RBFOX3: variants seen among roughly 807,000 people sequenced by gnomAD.
RBFOX3 encodes the protein RNA binding fox-1 homolog 3.
Under a neutral mutation model 48.7 loss-of-function variants are expected in RBFOX3, and 17 were observed. The observed-to-expected ratio is 0.35, with a 90% confidence interval of 0.24 to 0.52. The LOEUF is 0.52. Ranked by LOEUF, RBFOX3 falls within the 20% of genes least tolerant of loss-of-function variation. The probability of loss-of-function intolerance (pLI) is 0.94; values close to 1 mark genes in which losing one functional copy is unlikely to be tolerated. For missense variants in RBFOX3, 382 were observed against 497.5 expected (o/e 0.77, Z 2.21); for synonymous variants, 212 against 209.5 (o/e 1.01, Z -0.10).
At chr17:79,267,918 ACT>A (rs2066989181) in intron 3 of RBFOX3, among the ~76,000 whole-genome samples, 2 of 151,984 alleles carry the variant, frequency 1.3e-5, no homozygotes, top group African/African-American at 4.8e-5. Context: ...CTCCAGCCTA[ACT>A]CTTGATGGCT....
At chr17:79,371,183 G>A (rs746609398) in intron 2 of RBFOX3, among the ~76,000 whole-genome samples, 1 of 152,210 alleles carries the variant, frequency 6.6e-6, no homozygotes, top group Non-Finnish European at 1.5e-5. Context: ...CCATGGCGAG[G>A]GGCCACAGTG....
intron 4 of RBFOX3, among the ~76,000 whole-genome samples, chr17:79,231,457 C>T (rs2061025040): frequency 6.6e-6 from 1 of 152,058 alleles, no homozygotes; most frequent in South Asian, 2.1e-4. Flanking sequence ...AACAATCACA[C>T]CTAGGATAAA....
intron 1 of RBFOX3, among the ~76,000 whole-genome samples, chr17:79,547,706 T>C (rs2090638579): frequency 6.6e-6 from 1 of 152,108 alleles, no homozygotes; most frequent in African/African-American, 2.4e-5. Flanking sequence ...GGGGCTGCCG[T>C]CCAGCACCTG....
chr17:79,556,295 C>A (rs930943070), intron 1 of RBFOX3, among the ~76,000 whole-genome samples: 1 of 152,078 alleles, frequency 6.6e-6, no homozygotes, highest in Admixed American at 6.5e-5. Flanking sequence ...TCCTGGGAAC[C>A]CAAAGAAATG....
intron 1 of RBFOX3, among the ~76,000 whole-genome samples, chr17:79,509,668 GT>G (rs1477564206): frequency 2.0e-5 from 3 of 151,128 alleles, no homozygotes; most frequent in Non-Finnish European, 4.4e-5. Flanking sequence ...TCAGGGACCC[GT>G]CCCTTCCTTT....
chr17:79,493,780 G>A (rs2149632220), intron 1 of RBFOX3, among the ~76,000 whole-genome samples: 1 of 152,310 alleles, frequency 6.6e-6, no homozygotes, highest in South Asian at 2.1e-4. Context: ...TGGATGGAAA[G>A]AAAGAAAGAT....
intron 4 of RBFOX3, among the ~76,000 whole-genome samples, chr17:79,186,991 G>A (rs1462515530): frequency 2.0e-5 from 3 of 152,238 alleles, no homozygotes; most frequent in Admixed American, 6.5e-5. Flanking sequence ...TCTGGCCCAC[G>A]TAACCTTGCC....
chr17:79,645,955 C>G, the RBFOX3 span, among the ~76,000 whole-genome samples: 1 of 152,172 alleles, frequency 6.6e-6, no homozygotes, highest in Non-Finnish European at 1.5e-5. Context: ...GCTCCTGCAC[C>G]TCCCGCAAAA....
At position 79,553,347 on chromosome 17, in the gene RBFOX3, TAAG is replaced by T. The variant is rs1171630129; in HGVS notation, c.-320+57476_-320+57478del. On this transcript the variant is annotated intron_variant, in intron 1 of 14. Coordinates refer to ENST00000693108, the MANE Select transcript of RBFOX3 (RefSeq NM_001350451.2). ...AAGTAAACACAGGGTATTATTATTT[TAAG>T]ATGATGCTTGGATCCTATTTGGTAA... 6.3e-3 allele frequency among the ~76,000 whole-genome samples: 967 copies of T among 152,380 alleles called. 9 individuals carry two copies. The highest frequency in any genetic ancestry group is 0.02 in the African/African-American group (841 of 41,588).
intron 1 of RBFOX3, among the ~76,000 whole-genome samples, chr17:79,607,062 G>A (rs2093848376): frequency 6.6e-6 from 1 of 152,154 alleles, no homozygotes; most frequent in Non-Finnish European, 1.5e-5. Context: ...GCTGCTTTAT[G>A]AAAGAGCGTG....
At chr17:79,185,065 G>C (rs1337966272) in intron 4 of RBFOX3, among the ~76,000 whole-genome samples, 1 of 151,990 alleles carries the variant, frequency 6.6e-6, no homozygotes, top group Non-Finnish European at 1.5e-5. Context: ...GGTAGGTGCA[G>C]GCACCTGGGA....
At chr17:79,141,496 T>C (rs888619096) in intron 4 of RBFOX3, among the ~76,000 whole-genome samples, 1 of 151,540 alleles carries the variant, frequency 6.6e-6, no homozygotes, top group East Asian at 1.9e-4. Context: ...CTTCTTATAG[T>C]GGCTCAGAGG....
chr17:79,254,799 C>T lies in RBFOX3; in HGVS notation c.-73-18994G>A, dbSNP rs1035324008. Among the ~76,000 whole-genome samples, 9 of 152,270 alleles carry T rather than the reference C, an allele frequency of 5.9e-5. No homozygotes were observed. The highest frequency in any genetic ancestry group is 1.9e-4 in the African/African-American group (8 of 41,562). ...TATCTTGGCTGGGCATGAGAGGGGT[C>T]CCAGAATGTCTGGAAGTGCTGGATG... is the stretch of plus-strand genomic sequence containing the variant. On this transcript the variant is annotated intron_variant, in intron 3 of 14. Transcript: ENST00000693108. The surrounding 1 kb of genome is among the most constrained non-coding windows in gnomAD (Gnocchi z 4.8).
chr17:79,222,158 T>C (rs916870043), intron 4 of RBFOX3, among the ~76,000 whole-genome samples: 1 of 151,704 alleles, frequency 6.6e-6, no homozygotes, highest in Non-Finnish European at 1.5e-5. Context: ...TGCTGCCTGA[T>C]TTCTACCTGC....
chr17:79,403,531 C>T (rs917829570), intron 2 of RBFOX3, among the ~76,000 whole-genome samples: 1 of 152,238 alleles, frequency 6.6e-6, no homozygotes, highest in South Asian at 2.1e-4. Flanking sequence ...GTCAGCCCCA[C>T]AGCTCCACAG....
At chr17:79,433,146 G>A (rs919167137) in intron 2 of RBFOX3, among the ~76,000 whole-genome samples, 3 of 152,262 alleles carry the variant, frequency 2.0e-5, no homozygotes, top group East Asian at 1.9e-4. Context: ...TCACTCAGAC[G>A]CTCAGGGCCA....
At chr17:79,166,886 C>A (rs1336453719) in intron 4 of RBFOX3, among the ~76,000 whole-genome samples, 3 of 152,220 alleles carry the variant, frequency 2.0e-5, no homozygotes, top group Non-Finnish European at 4.4e-5. Context: ...GAATTGCACA[C>A]CTGCCAAAGA....
intron 1 of RBFOX3, among the ~76,000 whole-genome samples, chr17:79,544,853 A>G (rs1418904903): frequency 6.6e-6 from 1 of 150,818 alleles, no homozygotes; most frequent in Non-Finnish European, 1.5e-5. Flanking sequence ...CTCCAAGAGA[A>G]CTCCCTCCCC....
At chr17:79,265,287 TG>T (rs1345671782) in intron 3 of RBFOX3, among the ~76,000 whole-genome samples, 1 of 152,188 alleles carries the variant, frequency 6.6e-6, no homozygotes, top group African/African-American at 2.4e-5. Flanking sequence ...AAGCCGGCCC[TG>T]GGGGGCCACA....
Sources: gnomAD v4.1 joint callset for allele counts (sites outside exome capture counted in the v4.1 genomes callset) on GRCh38, gnomAD v4.1.1 for gene constraint, Gnocchi (gnomAD v3.1) non-coding constraint, MANE v1.5 for transcripts, NCBI Gene and HGNC (gene_info 2026-07-23, HGNC 2026-07-21) for gene names.